The following OR51B5 variants were observed in gnomAD, a reference collection of about 807,000 sequenced individuals.
The protein encoded by OR51B5 is olfactory receptor 51B5.
For missense variants in OR51B5, 456 were observed against 374.6 expected, an observed-to-expected ratio of 1.22 and a Z score of -1.79; for synonymous variants, 186 against 144.8, an observed-to-expected ratio of 1.28 and a Z score of -2.04.
intron 1 of OR51B5, among the ~76,000 whole-genome samples, chr11:5,396,239 G>A (rs1439200341): frequency 6.6e-6 from 1 of 152,174 alleles, no homozygotes; most frequent in Non-Finnish European, 1.5e-5. Context: ...GCAGGAGAAG[G>A]AAATAAAAGG....
At chr11:5,483,404 G>A (rs747845024) in intron 1 of OR51B5, among the ~76,000 whole-genome samples, 10 of 143,830 alleles carry the variant, frequency 7.0e-5, no homozygotes, top group Non-Finnish European at 1.1e-4. Flanking sequence ...TATACCTAAC[G>A]CTAGATGACG....
At chr11:5,393,375 ATATT>A (rs1849825090) in intron 1 of OR51B5, 1 of 58,328 alleles carries the variant, frequency 1.7e-5, no homozygotes. Context: ...TGTTGGCAAA[ATATT>A]AAATAAAAAT....
chr11:5,381,514 G>A (rs1000911627), intron 1 of OR51B5, among the ~76,000 whole-genome samples: 1 of 152,182 alleles, frequency 6.6e-6, no homozygotes, highest in African/African-American at 2.4e-5. Flanking sequence ...CTGGGCTAGT[G>A]ACCCTATTTT....
At chr11:5,439,048 T>C (rs1850634108) in intron 1 of OR51B5, among the ~76,000 whole-genome samples, 1 of 152,164 alleles carries the variant, frequency 6.6e-6, no homozygotes, top group African/African-American at 2.4e-5. Flanking sequence ...CAAATTTCTC[T>C]TGCCTAACCA....
chr11:5,364,940 G>A (rs1405568024), intron 1 of OR51B5, among the ~76,000 whole-genome samples: 2 of 149,292 alleles, frequency 1.3e-5, no homozygotes, highest in African/African-American at 2.5e-5. Context: ...GGATACACAA[G>A]GAGAAGCAGA....
At chr11:5,405,674 T>C (rs532865508) in intron 1 of OR51B5, among the ~76,000 whole-genome samples, 31 of 152,310 alleles carry the variant, frequency 2.0e-4, no homozygotes, top group Middle Eastern at 3.4e-3. Context: ...AATTTAAACA[T>C]TTTAAATAGT....
At chr11:5,382,499 C>T (rs1849624152) in intron 1 of OR51B5, among the ~76,000 whole-genome samples, 1 of 152,148 alleles carries the variant, frequency 6.6e-6, no homozygotes. Flanking sequence ...GCAATATTTG[C>T]TGTTGCTGGT....
chr11:5,413,086 A>C (rs1444479173), intron 1 of OR51B5, among the ~76,000 whole-genome samples: 2 of 152,144 alleles, frequency 1.3e-5, no homozygotes, highest in Non-Finnish European at 2.9e-5. Flanking sequence ...TCTGAGACAA[A>C]ACTTCCAGAG....
intron 1 of OR51B5, among the ~76,000 whole-genome samples, chr11:5,408,442 T>C (rs1850094943): frequency 6.9e-6 from 1 of 145,136 alleles, no homozygotes; most frequent in Non-Finnish European, 1.5e-5. Flanking sequence ...TGGCCTTGGA[T>C]ATAATTTGGA....
chr11:5,450,991 C>T (rs1483307452), intron 1 of OR51B5, among the ~76,000 whole-genome samples: 1 of 152,120 alleles, frequency 6.6e-6, no homozygotes, highest in East Asian at 1.9e-4. Context: ...AATGTTTTAT[C>T]ACCTGGTCTC....
At chr11:5,351,597 G>C (rs757196507) in intron 1 of OR51B5, 25 of 1,614,080 alleles carry the variant, frequency 1.5e-5, no homozygotes, top group Non-Finnish European at 2.1e-5. Context: ...TCCCATTATT[G>C]GCAGCCTACA....
intron 1 of OR51B5, among the ~76,000 whole-genome samples, chr11:5,366,084 G>C (rs1849360933): frequency 6.6e-6 from 1 of 152,118 alleles, no homozygotes; most frequent in Admixed American, 6.5e-5. Context: ...AAGAGTTGCT[G>C]AGGGGTATGC....
In OR51B5 at chr11:5,422,564, G is replaced by A. The variant is rs866002052; in HGVS notation, n.85-75654C>T. The stretch of plus-strand genomic sequence containing the variant: ...GTCTTCTGTCCTCCTGGCTATGTCC[G>A]TTGACTGCTATGTGGCCATCTGCTG... On this transcript the variant is annotated intron_variant and non_coding_transcript_variant, in intron 1 of 4. Transcript: ENST00000415970. The A allele has an allele frequency of 6.2e-6, 10 of 1,614,050 alleles. No individual in the cohort carries two copies. The highest frequency in any genetic ancestry group is 2.2e-5 in the East Asian group (1 of 44,876).
At chr11:5,367,646 C>T (rs1210466766) in intron 1 of OR51B5, among the ~76,000 whole-genome samples, 1 of 152,088 alleles carries the variant, frequency 6.6e-6, no homozygotes, top group East Asian at 1.9e-4. Context: ...GTATCTTGTG[C>T]CAACCTCTTA....
intron 1 of OR51B5, chr11:5,385,356 T>C (rs1849671256): frequency 6.6e-6 from 1 of 151,814 alleles, no homozygotes; most frequent in South Asian, 2.1e-4. Flanking sequence ...TGTATAGACA[T>C]CTTGTTTCTA....
intron 1 of OR51B5, among the ~76,000 whole-genome samples, chr11:5,362,235 C>T (rs141932129): frequency 4.1e-4 from 63 of 152,166 alleles, no homozygotes; most frequent in African/African-American, 1.4e-3. Context: ...GTGTTTCTGT[C>T]GGGGGATGGG....
At chr11:5,350,613 T>G (rs1849065058) in intron 1 of OR51B5, among the ~76,000 whole-genome samples, 1 of 152,182 alleles carries the variant, frequency 6.6e-6, no homozygotes, top group Admixed American at 6.5e-5. Context: ...CTCCTTGATC[T>G]TGCCTAAATT....
upstream of OR51B5, among the ~76,000 whole-genome samples, chr11:5,348,164 C>T (rs1219361296): frequency 2.0e-5 from 3 of 152,130 alleles, no homozygotes; most frequent in African/African-American, 7.2e-5. Flanking sequence ...CCTGACATCT[C>T]TAAAACTTGG....
At chr11:5,447,238 C>G (rs987398685) in intron 1 of OR51B5, among the ~76,000 whole-genome samples, 4 of 152,222 alleles carry the variant, frequency 2.6e-5, no homozygotes, top group African/African-American at 9.6e-5. Context: ...TCACACCTAT[C>G]CAATCATTAC....
Sources: allele counts gnomAD v4.1 joint callset (sites outside exome capture counted in the v4.1 genomes callset), GRCh38; gene constraint gnomAD v4.1.1; transcripts MANE v1.5; gene names NCBI Gene and HGNC (gene_info 2026-07-23, HGNC 2026-07-21).